UNC93A: variants seen among roughly 807,000 people sequenced by gnomAD.
The protein encoded by UNC93A is N-acetylglucosamine transporter UNC93A.
UNC93A carries 43 observed loss-of-function variants against 47.5 expected under a neutral mutation model. The ratio of observed to expected loss-of-function variants is 0.91; its 90% confidence interval spans 0.71 to 1.17. The LOEUF is 1.17. Ranked by LOEUF, UNC93A falls within the 50% of genes most tolerant of loss-of-function variation. The probability of loss-of-function intolerance (pLI) is 0.00; values close to 1 mark genes in which losing one functional copy is unlikely to be tolerated. For synonymous variants in UNC93A, 280 were observed against 258.0 expected, an observed-to-expected ratio of 1.09 and a Z score of -0.82; for missense variants, 605 against 577.6, an observed-to-expected ratio of 1.05 and a Z score of -0.49.
chr6:167,276,861 T>C (rs1361242674), intron 1 of UNC93A, among the ~76,000 whole-genome samples: 1 of 152,242 alleles, frequency 6.6e-6, no homozygotes, highest in African/African-American at 2.4e-5. Context: ...CTTTGACCTT[T>C]GGTACCAATA....
chr6:167,307,354 C>T (rs3817767), intron 6 of UNC93A, among the ~76,000 whole-genome samples: 42,589 of 152,136 alleles, frequency 0.28, 6,259 homozygotes, highest in East Asian at 0.53. Context: ...ACTAAAAAGA[C>T]GACTTCCAGA....
At chr6:167,304,257 C>T (rs549311025) in intron 5 of UNC93A, 124 bp downstream of exon 5, 107 of 1,055,474 alleles carry the variant, frequency 1.0e-4, no homozygotes, top group Non-Finnish European at 1.1e-4. Context: ...CTGGAGGGAG[C>T]GGGGTCCTAT....
At chr6:167,291,794 T>TG (rs1297249370) in intron 1 of UNC93A, among the ~76,000 whole-genome samples, 3 of 152,178 alleles carry the variant, frequency 2.0e-5, no homozygotes, top group Non-Finnish European at 4.4e-5. Context: ...AACAGCGAGG[T>TG]GCACGTTGCT....
chr6:167,305,857 G>T (rs1476037379), intron 5 of UNC93A, 58 bp from the exon 6 acceptor site: 1 of 1,610,886 alleles, frequency 6.2e-7, no homozygotes, highest in Non-Finnish European at 8.5e-7. Context: ...TGCAGCTTTA[G>T]CTTGAGCACG....
chr6:167,295,717 C>A (rs868295381), intron 2 of UNC93A, among the ~76,000 whole-genome samples: 16 of 135,756 alleles, frequency 1.2e-4, no homozygotes, highest in East Asian at 2.4e-4. Context: ...CTCCCTCGTG[C>A]TCCTCGCCTT....
chr6:167,291,603 C>T (rs1325424654), intron 1 of UNC93A, 27 bp downstream of exon 1: 3 of 1,585,132 alleles, frequency 1.9e-6, no homozygotes, highest in Admixed American at 3.7e-5. Flanking sequence ...ATCAAATTAC[C>T]TGAACTTCTT....
chr6:167,295,883 C>T, intron 2 of UNC93A, 149 bp from the exon 3 acceptor site: 1 of 677,580 alleles, frequency 1.5e-6, no homozygotes, highest in Non-Finnish European at 2.5e-6. Context: ...ATGGTGAATC[C>T]ATCCATCCAA....
chr6:167,296,269 G>C lies in UNC93A; in HGVS notation c.499+8G>C. The stretch of plus-strand genomic sequence containing the variant: ...GCCAGACTCCCAGCCAAGGTAAAAG[G>C]AAAAGGGGCAAGCAATTGTCTCCAA... On this transcript the variant is annotated splice_region_variant and intron_variant, in intron 3 of 7. Coordinates refer to ENST00000230256, the MANE Select transcript of UNC93A (RefSeq NM_018974.4). The C allele has an allele frequency of 6.2e-7, 1 of 1,614,026 alleles. No individual in the cohort carries two copies. The highest frequency in any genetic ancestry group is 8.5e-7 in the Non-Finnish European group (1 of 1,179,868).
chr6:167,279,590 C>T (rs78429838), intron 1 of UNC93A, among the ~76,000 whole-genome samples: 1,924 of 152,242 alleles, frequency 0.013, 49 homozygotes, highest in African/African-American at 0.044. Context: ...TAACCCATTG[C>T]TTATATTTTA....
intron 1 of UNC93A, among the ~76,000 whole-genome samples, chr6:167,292,261 C>T (rs949291374): frequency 6.6e-6 from 1 of 152,150 alleles, no homozygotes; most frequent in African/African-American, 2.4e-5. Context: ...TGTTACTCCC[C>T]CGGCTTATTC....
upstream of UNC93A, among the ~76,000 whole-genome samples, chr6:167,286,938 A>T (rs1462308244): frequency 2.8e-5 from 4 of 143,576 alleles, no homozygotes; most frequent in Non-Finnish European, 6.0e-5. Flanking sequence ...AGATCGCGCC[A>T]CTGCACTCCA....
Position 167,305,920 on chromosome 6 carries a change from T to C in UNC93A, c.846T>C (p.Tyr282=). The change falls in exon 6 of 8, where the codon TAT becomes TAC. Residue 282 remains tyrosine (Y), a synonymous_variant. Transcript: ENST00000230256. The part of the protein sequence containing the change: ...GFLSSEYTRS[Y]VTCTLGIQFV... ...CTCTGCACCCCTCTCCCCAGTCCTA[T>C]GTCACCTGCACCCTGGGCATCCAGT... The C allele has an allele frequency of 6.2e-7, 1 of 1,614,160 alleles. No homozygotes were observed. The highest frequency in any genetic ancestry group is 8.5e-7 in the Non-Finnish European group (1 of 1,180,014).
chr6:167,291,757 C>T (rs1740653702), intron 1 of UNC93A, among the ~76,000 whole-genome samples, 181 bp downstream of exon 1: 1 of 152,194 alleles, frequency 6.6e-6, no homozygotes, highest in African/African-American at 2.4e-5. Context: ...GTGAGCAGTT[C>T]CCACTCACGT....
At chr6:167,273,649 G>C (rs1783489041) in intron 1 of UNC93A, among the ~76,000 whole-genome samples, 1 of 152,186 alleles carries the variant, frequency 6.6e-6, no homozygotes, top group Admixed American at 6.5e-5. Flanking sequence ...CAGGTGATCA[G>C]GGCACAGCTA....
intron 1 of UNC93A, among the ~76,000 whole-genome samples, chr6:167,285,595 C>T (rs535497025): frequency 6.6e-6 from 1 of 151,672 alleles, no homozygotes; most frequent in South Asian, 2.1e-4. Flanking sequence ...AAGCGGCTTC[C>T]CTGCAGCTGC....
chr6:167,314,910 G>C (rs1778650048), intron 7 of UNC93A, among the ~76,000 whole-genome samples: 1 of 152,084 alleles, frequency 6.6e-6, no homozygotes, highest in Non-Finnish European at 1.5e-5. Context: ...AGTGTGTTCT[G>C]ACCACCTTGG....
Position 167,315,467 on chromosome 6 carries a change from G to C in UNC93A, c.*15G>C. On this transcript the variant is annotated 3_prime_UTR_variant, in exon 8 of 8. Transcript: ENST00000230256. The stretch of plus-strand genomic sequence containing the variant: ...CAAAAATGTGAGAGCAGTGAGGTCC[G>C]AGGAGGATGAACTCAGAAAGCACCA... 1 of 1,613,888 alleles carries C rather than the reference G, an allele frequency of 6.2e-7. No individual in the cohort carries two copies. The highest frequency in any genetic ancestry group is 1.1e-5 in the South Asian group (1 of 91,070).
intron 2 of UNC93A, 55 bp downstream of exon 2, chr6:167,294,753 A>G (rs1583074136): frequency 1.3e-6 from 2 of 1,503,518 alleles, no homozygotes; most frequent in South Asian, 1.3e-5. Context: ...CACGCTAGGG[A>G]CGTTCACTCT....
rs1778317248 is a variant in UNC93A, at chr6:167,304,130, A to G, written c.837A>G (p.Thr279=). Residue 279 remains threonine (T), a synonymous_variant, in exon 5 of 8, where the codon ACA becomes ACG. Coordinates refer to ENST00000230256, the MANE Select transcript of UNC93A (RefSeq NM_018974.4). The part of the protein sequence containing the change: ...LQQGFLSSEY[T]RSYVTCTLGI... ...AAGGATTCCTCTCCAGCGAATACAC[A>G]AGGGTATGAACGAAAGTGAGGGCCG... 6.2e-7 allele frequency: 1 copy of G among 1,614,170 alleles called. No homozygotes were observed. Among genetic ancestry groups the G allele is most frequent in the East Asian group, 2.2e-5 (1 of 44,892 alleles).
Sources: gnomAD v4.1 joint callset for allele counts (sites outside exome capture counted in the v4.1 genomes callset) on GRCh38, gnomAD v4.1.1 for gene constraint, MANE v1.5 for transcripts, NCBI Gene and HGNC (gene_info 2026-07-23, HGNC 2026-07-21) for gene names.